Variants in MME observed in about 807,000 individuals in gnomAD.
The protein encoded by MME is neprilysin.
In MME, 98 loss-of-function variants were observed where a neutral mutation model predicts 113.2. The ratio of observed to expected loss-of-function variants is 0.87; its 90% confidence interval spans 0.74 to 1.02. MME has a LOEUF of 1.02. Among genes scored for constraint, MME ranks in the 50% least tolerant of loss-of-function variants. The probability of loss-of-function intolerance (pLI) is 0.00; values close to 1 mark genes in which losing one functional copy is unlikely to be tolerated. For synonymous variants in MME, 292 were observed against 300.6 expected, an observed-to-expected ratio of 0.97 and a Z score of 0.30; for missense variants, 836 against 896.0, an observed-to-expected ratio of 0.93 and a Z score of 0.86.
In MME at chr3:155,111,696, C is replaced by G. The variant is rs141706616; in HGVS notation, c.197-3298C>G. Among the ~76,000 whole-genome samples, 193 of 152,180 alleles carry G rather than the reference C, an allele frequency of 1.3e-3. 2 individuals carry two copies. The highest frequency in any genetic ancestry group is 4.2e-3 in the African/African-American group (174 of 41,526). ...GTTCATGCTCTGCTTGTTCATTCTG[C>G]TTGTTCATTAATTGTTCACTACTTT... On this transcript the variant is annotated intron_variant, in intron 3 of 22. Transcript: ENST00000360490.
intron 10 of MME, 126 bp from the exon 11 acceptor site, chr3:155,141,864 AT>A: frequency 9.9e-7 from 1 of 1,010,256 alleles, no homozygotes; most frequent in Non-Finnish European, 1.5e-6. Flanking sequence ...TTAAAAACTG[AT>A]TGAAACAATT....
At chr3:155,176,548 G>T (rs1235485901) in intron 22 of MME, among the ~76,000 whole-genome samples, 3 of 152,040 alleles carry the variant, frequency 2.0e-5, no homozygotes, top group African/African-American at 7.2e-5. Flanking sequence ...ATCTAGGCCT[G>T]GCACAGTCAC....
At chr3:155,128,054 C>G (rs936553388) in intron 8 of MME, among the ~76,000 whole-genome samples, 3 of 152,196 alleles carry the variant, frequency 2.0e-5, no homozygotes, top group Admixed American at 6.5e-5. Flanking sequence ...ATCCTTCTTT[C>G]CTGCTAACCT....
At chr3:155,172,697 A>T (rs1576673963) in intron 22 of MME, 85 bp downstream of exon 22, 8 of 939,178 alleles carry the variant, frequency 8.5e-6, no homozygotes, top group South Asian at 2.8e-5. Flanking sequence ...TCTAACTCTG[A>T]TTCTTTTACA....
At chr3:155,074,882 T>C (rs536063383), upstream of MME, among the ~76,000 whole-genome samples, 1 of 152,338 alleles carries the variant, frequency 6.6e-6, no homozygotes, top group South Asian at 2.1e-4. Flanking sequence ...TAGTTTGGCA[T>C]ATAATCAATG....
In MME at chr3:155,155,577, A is replaced by G. The variant is rs371944574; in HGVS notation, c.1602-4813A>G. Among the ~76,000 whole-genome samples, 19 of 152,192 alleles carry G rather than the reference A, an allele frequency of 1.2e-4. No homozygotes were observed. The East Asian group carries it at 1.5e-3, about 12-fold the overall frequency. On this transcript the variant is annotated intron_variant, in intron 16 of 22. Transcript: ENST00000360490. ...CCACTGGTCTTAGCCTTAGGATTCA[A>G]TTAAGAACAAAACATGGAATATTCT... is the stretch of plus-strand genomic sequence containing the variant.
At chr3:155,050,248 G>A (rs1375040752) in intron 1 of MME, among the ~76,000 whole-genome samples, 1 of 152,132 alleles carries the variant, frequency 6.6e-6, no homozygotes, top group Non-Finnish European at 1.5e-5. Context: ...TGGGCATTTA[G>A]GTTGATTCTG....
intron 3 of MME, among the ~76,000 whole-genome samples, chr3:155,097,044 G>A (rs1716800002): frequency 6.6e-6 from 1 of 152,202 alleles, no homozygotes; most frequent in South Asian, 2.1e-4. Flanking sequence ...GGTAACTCAA[G>A]TTTCTGGCTT....
intron 1 of MME, among the ~76,000 whole-genome samples, chr3:155,034,483 C>G (rs759025029): frequency 2.0e-5 from 3 of 152,124 alleles, no homozygotes; most frequent in Non-Finnish European, 4.4e-5. Flanking sequence ...CTTGTGCAGT[C>G]TGTCTAACTT....
rs61761168 is a variant in MME at position 155,083,249 on chromosome 3, C to T, written c.-10-909C>T. 4.3e-3 allele frequency among the ~76,000 whole-genome samples: 659 copies of T among 152,268 alleles called. 3 individuals are homozygous for T. The highest frequency in any genetic ancestry group is 0.011 in the East Asian group (56 of 5,188). On this transcript the variant is annotated intron_variant, in intron 1 of 22. Transcript: ENST00000360490. ...TTGACGAGTTGTGTAGTCTTGAACA[C>T]GTTGCCTGACTTCTCTGTGCCCCAG...
At chr3:155,171,974 G>A (rs1350414861) in intron 20 of MME, 143 bp from the exon 21 acceptor site, 1 of 624,968 alleles carries the variant, frequency 1.6e-6, no homozygotes, top group African/African-American at 1.9e-5. Flanking sequence ...CCATAAAATA[G>A]TTGTAGGTTA....
chr3:155,101,480 G>A (rs1277654206), intron 3 of MME, among the ~76,000 whole-genome samples: 1 of 152,120 alleles, frequency 6.6e-6, no homozygotes, highest in Admixed American at 6.6e-5. Flanking sequence ...CTTCCAGTCA[G>A]CCCTACTCTT....
chr3:155,058,302 G>A (rs909638464), intron 1 of MME, among the ~76,000 whole-genome samples: 2 of 152,122 alleles, frequency 1.3e-5, no homozygotes, highest in African/African-American at 2.4e-5. Context: ...TAAGCACTGC[G>A]TATTTTCTCC....
chr3:155,082,423 T>G (rs1715233690), intron 1 of MME, among the ~76,000 whole-genome samples: 1 of 152,186 alleles, frequency 6.6e-6, no homozygotes. Context: ...GAATTATTAT[T>G]GTTTACCTCT....
At chr3:155,050,439 A>C (rs1713722127) in intron 1 of MME, among the ~76,000 whole-genome samples, 1 of 151,926 alleles carries the variant, frequency 6.6e-6, no homozygotes, top group African/African-American at 2.4e-5. Context: ...ATTGATTAAC[A>C]CTCCCACCAG....
chr3:155,047,942 T>G (rs1172289084), intron 1 of MME, among the ~76,000 whole-genome samples: 7 of 152,214 alleles, frequency 4.6e-5, no homozygotes, highest in African/African-American at 7.2e-5. Flanking sequence ...TTATGGTTCA[T>G]GGATTAGTAT....
chr3:155,183,724 A>T (rs1443789407), downstream of MME: 2 of 152,144 alleles, frequency 1.3e-5, no homozygotes, highest in Non-Finnish European at 2.9e-5. Context: ...TGCCTAGTCA[A>T]CTCTGTTCCA....
chr3:155,126,806 C>A (rs1000394923), intron 8 of MME, among the ~76,000 whole-genome samples: 4 of 151,862 alleles, frequency 2.6e-5, no homozygotes, highest in African/African-American at 7.3e-5. Context: ...TCGAGACCAG[C>A]CTGACCACCA....
chr3:155,042,934 A>ATATAGG (rs1713403682), intron 1 of MME, among the ~76,000 whole-genome samples: 2 of 61,318 alleles, frequency 3.3e-5, no homozygotes, highest in Non-Finnish European at 5.5e-5. Flanking sequence ...ATATATATAT[A>ATATAGG]TATATGTATA....
Sources: gnomAD v4.1 joint callset for allele counts (sites outside exome capture counted in the v4.1 genomes callset) on GRCh38, gnomAD v4.1.1 for gene constraint, MANE v1.5 for transcripts, NCBI Gene and HGNC (gene_info 2026-07-23, HGNC 2026-07-21) for gene names.